The following CDK11A variants were observed in gnomAD, a reference collection of about 807,000 sequenced individuals.
The protein encoded by CDK11A is cyclin-dependent kinase 11A.
Under a neutral mutation model 83.6 loss-of-function variants are expected in CDK11A, and 55 were observed. The ratio of observed to expected loss-of-function variants is 0.66; its 90% CI spans 0.53 to 0.82. The LOEUF (loss-of-function observed/expected upper bound fraction) is 0.82, where lower values mean the gene tolerates loss of function less well. Among genes scored for constraint, CDK11A ranks in the 40% least tolerant of loss-of-function variants. The pLI, the probability that CDK11A is intolerant of heterozygous loss-of-function variation, is 0.00. For synonymous variants in CDK11A, 247 were observed against 302.7 expected (o/e 0.82, Z 1.91); for missense variants, 564 against 810.1 (o/e 0.70, Z 3.69).
chr1:1,713,519 A>G (rs1644543240), intron 5 of CDK11A, among the ~76,000 whole-genome samples: 1 of 112,280 alleles, frequency 8.9e-6, no homozygotes, highest in African/African-American at 2.9e-5. Flanking sequence ...CACTAAGAAA[A>G]CAACTTTCTT....
chr1:1,704,373 C>T lies in CDK11A; in HGVS notation c.1565-29G>A, dbSNP rs765385807. 1.6e-5 allele frequency: 26 copies of T among 1,605,200 alleles called. 1 individual carries two copies. In the South Asian group the frequency reaches 2.8e-4, roughly 17 times the overall value. On this transcript the variant is annotated intron_variant, in intron 14 of 19. Transcript: ENST00000404249. ...GGAGGGAGGGAGGCTCCCATGTGGACCCGGCCGCCCCAAGCCCAGGGCACT... is the reference window on the plus strand; with the variant it reads ...GGAGGGAGGGAGGCTCCCATGTGGATCCGGCCGCCCCAAGCCCAGGGCACT...
chr1:1,716,290 C>G (rs796957281), intron 5 of CDK11A, 56 bp downstream of exon 5: 9 of 1,572,220 alleles, frequency 5.7e-6, no homozygotes, highest in Non-Finnish European at 7.8e-6. Context: ...ATTGCTGTGA[C>G]AGGACACACT....
chr1:1,723,758 C>T (rs1466597524), intron 1 of CDK11A: 1 of 130,884 alleles, frequency 7.6e-6, no homozygotes, highest in Non-Finnish European at 1.6e-5. Flanking sequence ...ACGTAATTCA[C>T]CTCAGTTCAG....
intron 2 of CDK11A, chr1:1,721,931 C>T: frequency 2.1e-6 from 1 of 481,732 alleles, no homozygotes; most frequent in Non-Finnish European, 3.6e-6. Flanking sequence ...GCGGGTGGAT[C>T]ACGAGGTCAG....
rs1059832 is a variant in CDK11A, at chr1:1,721,654, A to G, written c.169T>C (p.Cys57Arg). 5.5e-5 allele frequency: 89 copies of G among 1,604,014 alleles called. 4 individuals are homozygous for G. The highest frequency in any genetic ancestry group is 4.3e-4 in the South Asian group (39 of 90,626). ...GAGTTCCTTATTGTGATCTCCATGC[A>G]GTGATCTCTCAGCTCCCCCTCCTCA... is the stretch of plus-strand genomic sequence containing the variant. ...SLEEGELRDHCMEITIRNSPY... is the reference protein window; with the variant it reads ...SLEEGELRDHRMEITIRNSPY... Residue 57 changes from cysteine to arginine, a missense_variant, in exon 3 of 20, where the codon TGC becomes CGC. Transcript: ENST00000404249.
chr1:1,706,029 G>A (rs1644294275), intron 11 of CDK11A, among the ~76,000 whole-genome samples: 2 of 150,848 alleles, frequency 1.3e-5, no homozygotes. Flanking sequence ...GATTGCTTGA[G>A]CCCAGGAGTT....
intron 3 of CDK11A, among the ~76,000 whole-genome samples, 160 bp from the exon 4 acceptor site, chr1:1,719,615 CTTTT>C (rs750830146): frequency 2.6e-4 from 12 of 46,022 alleles, no homozygotes; most frequent in Non-Finnish European, 6.0e-4. Context: ...CTTCAGGCAT[CTTTT>C]TTTTTTTTTT....
chr1:1,710,763 G>T (rs972726316), intron 6 of CDK11A, among the ~76,000 whole-genome samples: 2 of 145,022 alleles, frequency 1.4e-5, no homozygotes, highest in African/African-American at 5.0e-5. Context: ...GCGTGAACAC[G>T]ACGGAAATAT....
intron 5 of CDK11A, 105 bp downstream of exon 5, chr1:1,716,241 T>C (rs1644636935): frequency 7.6e-6 from 10 of 1,313,600 alleles, no homozygotes; most frequent in Non-Finnish European, 1.1e-5. Context: ...GTCTACCACT[T>C]CTGCAACAAA....
intron 10 of CDK11A, 61 bp downstream of exon 10, chr1:1,708,119 A>T (rs1570389935): frequency 6.3e-7 from 1 of 1,583,598 alleles, no homozygotes; most frequent in African/African-American, 1.4e-5. Context: ...CTGTCTTAGG[A>T]GAGGGCTGCT....
chr1:1,721,383 T>C (rs901329373), intron 3 of CDK11A, among the ~76,000 whole-genome samples: 2 of 150,560 alleles, frequency 1.3e-5, no homozygotes, highest in African/African-American at 4.9e-5. Context: ...AGAGTAAACC[T>C]CAATAGTTAC....
At position 1,713,133 on chromosome 1, in the gene CDK11A, A is replaced by G. The variant is rs2143105; in HGVS notation, c.489-733T>C. Reference sequence around the variant, plus strand: ...CGAGTAGCTGGGATTACAGGTGTGCACCACCACACCCAGGTGATTTTTGTA... The same window carrying G: ...CGAGTAGCTGGGATTACAGGTGTGCGCCACCACACCCAGGTGATTTTTGTA... On this transcript the variant is annotated intron_variant, in intron 5 of 19. Coordinates refer to ENST00000404249, the MANE Select transcript of CDK11A (RefSeq NM_024011.4). Among the ~76,000 whole-genome samples, 304 of 43,290 alleles carry G rather than the reference A, an allele frequency of 7.0e-3. 48 individuals are homozygous for G. Among genetic ancestry groups the G allele is most frequent in the African/African-American group, 0.011 (273 of 25,380 alleles). The allele number at this position is 43,290 out of a possible 152,430, so 28.4% of individuals were successfully genotyped here.
chr1:1,715,958 A>G (rs1644622529), intron 5 of CDK11A, among the ~76,000 whole-genome samples: 2 of 150,624 alleles, frequency 1.3e-5, no homozygotes, highest in Admixed American at 6.7e-5. Context: ...AGACAGTCTC[A>G]CTCTGTCAAC....
At chr1:1,704,498 C>T (rs752395653) in intron 14 of CDK11A, 52 bp downstream of exon 14, 5 of 1,579,068 alleles carry the variant, frequency 3.2e-6, no homozygotes, top group East Asian at 2.3e-5. Flanking sequence ...CGGGGGTGAC[C>T]AGGACACTGC....
In CDK11A at chr1:1,707,451, G is replaced by A. The variant is rs367901816; in HGVS notation, c.1203C>T (p.Ile401=). Residue 401 remains isoleucine, a synonymous_variant, in exon 11 of 20, where the codon ATC becomes ATT. Transcript: ENST00000404249. ...YVPDSPALLP[I]ELKQELPKYL... ...ACTTGGGCAGCTCCTGCTTGAGCTC[G>A]ATGGGCAACAGGGCAGGGGAGTCGG... 3.0e-5 allele frequency: 49 copies of A among 1,607,742 alleles called. 4 individuals carry two copies. Among genetic ancestry groups the A allele is most frequent in the East Asian group, 4.5e-5 (2 of 44,766 alleles).
In CDK11A at chr1:1,703,467, T is replaced by C; in HGVS notation, c.2060+9A>G. ...GGGACCTCCCGCCACCCGGCTGCAC[T>C]GGGCTCACTTGTTCATGAGGTCGAA... On this transcript the variant is annotated intron_variant, in intron 18 of 19. Transcript: ENST00000404249. 5 of 1,502,170 alleles carry C rather than the reference T, an allele frequency of 3.3e-6. No homozygotes were observed. The highest frequency in any genetic ancestry group is 4.4e-6 in the Non-Finnish European group (5 of 1,135,652). 93.1% of individuals were successfully genotyped at this position (1,502,170 alleles called of 1,614,324 possible).
Position 1,703,489 on chromosome 1 carries a change from C to G in CDK11A, c.2047G>C (p.Asp683His). Residue 683 changes from aspartate to histidine, a missense_variant, in exon 18 of 20, where the codon GAC becomes CAC. Around this residue, in one of 5 missense-constraint regions of CDK11A, gnomAD observed 361 missense variants for 402.7 expected, o/e 0.90. Transcript: ENST00000404249. ...CACTGGGCTCACTTGTTCATGAGGT[C>G]GAAGCCCTGGTCTGAGAGCAGAGCC... ...FGALLSDQGF[D>H]LMNKFLTYFP... is the part of the protein sequence containing the mutation. 19 of 1,526,550 alleles carry G rather than the reference C, an allele frequency of 1.2e-5. 1 individual carries two copies. Among genetic ancestry groups the G allele is most frequent in the Non-Finnish European group, 1.7e-5 (19 of 1,146,546 alleles). 94.6% of individuals were successfully genotyped at this position (1,526,550 alleles called of 1,614,324 possible).
At chr1:1,716,582 G>A in intron 4 of CDK11A, 104 bp from the exon 5 acceptor site, 1 of 1,231,890 alleles carries the variant, frequency 8.1e-7, no homozygotes. Flanking sequence ...GGGAGGCCGA[G>A]GCGGGTGGAT....
At chr1:1,706,067 ACT>A (rs70937176) in intron 11 of CDK11A, among the ~76,000 whole-genome samples, 58,939 of 149,618 alleles carry the variant, frequency 0.39, 14,900 homozygotes, top group Middle Eastern at 0.54. Flanking sequence ...ACATAGCAAC[ACT>A]CTGTTTTCTT....
Sources: gnomAD v4.1 joint callset for allele counts (sites outside exome capture counted in the v4.1 genomes callset) on GRCh38, gnomAD v4.1.1 for gene constraint, gnomAD v4.1.1 regional missense constraint, MANE v1.5 for transcripts, NCBI Gene and HGNC (gene_info 2026-07-23, HGNC 2026-07-21) for gene names.